Variants in ARHGAP17 observed in about 807,000 individuals in gnomAD.
ARHGAP17 encodes Rho GTPase activating protein 17.
A neutral mutation model predicts 99.5 loss-of-function variants in ARHGAP17; 57 were observed. The observed-to-expected ratio is 0.57, with a 90% CI of 0.46 to 0.71. The LOEUF is 0.71. Among genes scored for constraint, ARHGAP17 ranks in the 30% least tolerant of loss-of-function variants. The probability of loss-of-function intolerance (pLI) is 0.00; values close to 1 mark genes in which losing one functional copy is unlikely to be tolerated. For synonymous variants in ARHGAP17, 417 were observed against 429.6 expected, an observed-to-expected ratio of 0.97 and a Z score of 0.36; for missense variants, 1,000 against 1,122.4, an observed-to-expected ratio of 0.89 and a Z score of 1.56.
intron 19 of ARHGAP17, chr16:24,927,819 A>G (rs1244736191): frequency 8.4e-6 from 4 of 477,426 alleles, no homozygotes; most frequent in South Asian, 2.5e-5. Context: ...ACTCTTTTAC[A>G]TGGGAATTAA....
At chr16:24,982,676 C>T (rs1007996695) in intron 1 of ARHGAP17, among the ~76,000 whole-genome samples, 9 of 152,126 alleles carry the variant, frequency 5.9e-5, no homozygotes, top group Admixed American at 2.6e-4. Flanking sequence ...AGCCTTGGTG[C>T]TTCCTATCGT....
intron 17 of ARHGAP17, chr16:24,936,408 T>C (rs1029158711): frequency 2.0e-5 from 3 of 152,226 alleles, no homozygotes; most frequent in African/African-American, 7.3e-5. Flanking sequence ...GAATACAGTA[T>C]AAAAAACAAA....
intron 1 of ARHGAP17, among the ~76,000 whole-genome samples, chr16:25,006,535 T>C (rs1223693228): frequency 6.6e-6 from 1 of 151,570 alleles, no homozygotes; most frequent in Non-Finnish European, 1.5e-5. Flanking sequence ...GGAAAAAGAA[T>C]GGGACTGACA....
At chr16:24,936,323 A>C (rs1212325363) in intron 17 of ARHGAP17, 2 of 155,276 alleles carry the variant, frequency 1.3e-5, no homozygotes, top group African/African-American at 4.8e-5. Flanking sequence ...TTTTATACCA[A>C]ACTCTGTAGC....
intron 14 of ARHGAP17, among the ~76,000 whole-genome samples, chr16:24,945,366 A>C (rs1466316239): frequency 6.7e-6 from 1 of 149,664 alleles, no homozygotes; most frequent in Admixed American, 6.6e-5. Flanking sequence ...AAGAAGAAAA[A>C]AGTAAGAGTT....
At chr16:25,012,122 G>C (rs751348839) in intron 1 of ARHGAP17, among the ~76,000 whole-genome samples, 1 of 152,028 alleles carries the variant, frequency 6.6e-6, no homozygotes, top group Admixed American at 6.6e-5. Context: ...CACAGTGTAG[G>C]CTCAACAAGT....
intron 1 of ARHGAP17, among the ~76,000 whole-genome samples, chr16:25,013,599 GT>G (rs1567277369): frequency 6.6e-6 from 1 of 151,800 alleles, no homozygotes; most frequent in Non-Finnish European, 1.5e-5. Context: ...CCCAGCTTGG[GT>G]GACAAAGGGA....
chr16:24,949,508 C>A (rs1245904015), intron 12 of ARHGAP17, 24 bp from the exon 13 acceptor site: 2 of 1,597,194 alleles, frequency 1.3e-6, no homozygotes, highest in Non-Finnish European at 1.7e-6. Flanking sequence ...CTTTTAAGTA[C>A]AACAACTTAT....
At chr16:24,995,775 T>C (rs1036567776) in intron 1 of ARHGAP17, among the ~76,000 whole-genome samples, 1 of 147,452 alleles carries the variant, frequency 6.8e-6, no homozygotes, top group African/African-American at 2.5e-5. Flanking sequence ...GCAGCAAATG[T>C]AAAAAAAAAA....
At chr16:24,961,518 ATTTTTTTTTTTTT>A (rs1171754361) in intron 7 of ARHGAP17, among the ~76,000 whole-genome samples, 4 of 81,506 alleles carry the variant, frequency 4.9e-5, no homozygotes, top group African/African-American at 1.5e-4. Context: ...AAAAAAAAAA[ATTTTTTTTTTTTT>A]TTTTTTTTTT....
At chr16:24,946,589 C>T (rs749167422) in intron 14 of ARHGAP17, among the ~76,000 whole-genome samples, 1 of 151,816 alleles carries the variant, frequency 6.6e-6, no homozygotes, top group Non-Finnish European at 1.5e-5. Context: ...CACTTGAAAA[C>T]CATCACATGC....
chr16:24,927,430 A>G (rs2050870988), intron 19 of ARHGAP17, among the ~76,000 whole-genome samples: 1 of 152,184 alleles, frequency 6.6e-6, no homozygotes, highest in South Asian at 2.1e-4. Context: ...AGCTTGCCTG[A>G]TATGGAAAAG....
chr16:24,948,878 A>G (rs930736711), intron 13 of ARHGAP17: 1 of 152,016 alleles, frequency 6.6e-6, no homozygotes, highest in African/African-American at 2.4e-5. Flanking sequence ...TCAAAGTTAC[A>G]TATTAAGTCA....
At position 24,952,377 on chromosome 16, in the gene ARHGAP17, T is replaced by C. The variant is rs766276999; in HGVS notation, c.965-7A>G. On this transcript the variant is annotated splice_polypyrimidine_tract_variant and splice_region_variant and intron_variant, in intron 11 of 19. Coordinates refer to ENST00000289968, the MANE Select transcript of ARHGAP17 (RefSeq NM_001006634.3). ...AAATAGGATTTTAAAGCACCTGAAA[T>C]CATTAACACTCTCTTTGAGTATGAA... 1.4e-5 allele frequency: 23 copies of C among 1,606,990 alleles called. No homozygotes were observed. Among genetic ancestry groups the C allele is most frequent in the Non-Finnish European group, 1.9e-5 (22 of 1,174,440 alleles).
intron 1 of ARHGAP17, among the ~76,000 whole-genome samples, chr16:25,011,363 G>T (rs750488221): frequency 2.6e-5 from 4 of 152,164 alleles, no homozygotes; most frequent in Non-Finnish European, 5.9e-5. Context: ...TTCCCTCTGA[G>T]ACTTGGAAGA....
chr16:24,943,646 A>C lies in ARHGAP17; in HGVS notation c.1333+125T>G, dbSNP rs193014940. ...AATGCAATGAACAAAGGCTGGAAAG[A>C]AACATGAAAAAGTGAAACCAATTAC... is the stretch of plus-strand genomic sequence containing the variant. On this transcript the variant is annotated intron_variant, in intron 15 of 19. Coordinates refer to ENST00000289968, the MANE Select transcript of ARHGAP17 (RefSeq NM_001006634.3). 5.5e-5 allele frequency: 43 copies of C among 777,676 alleles called. No homozygotes were observed. In the African/African-American group the frequency reaches 6.4e-4, roughly 12 times the overall value. The allele number at this position is 777,676 out of a possible 1,614,324, so 48.2% of individuals were successfully genotyped here. A position where few individuals can be genotyped will look rare whatever the true frequency, so the allele number is the denominator to read the frequency against.
Position 24,943,802 on chromosome 16 carries a change from G to C in ARHGAP17, c.1302C>G (p.Ile434Met), listed in dbSNP as rs183560520. 6.2e-7 allele frequency: 1 copy of C among 1,614,074 alleles called. No homozygotes were observed. Among genetic ancestry groups the C allele is most frequent in the African/African-American group, 1.3e-5 (1 of 74,936 alleles). ...SVHVVAVIEP[I>M]IQHADWFFPE... The stretch of plus-strand genomic sequence containing the variant: ...GGAAGAACCAGTCGGCATGCTGAAT[G>C]ATGGGTTCAATCACTGCAACCACAT... The change falls in exon 15 of 20, where the codon ATC becomes ATG. Residue 434 changes from isoleucine (I) to methionine (M), a missense_variant. Ile to Met is a conservative substitution (Grantham distance 10). Transcript: ENST00000289968.
intron 1 of ARHGAP17, among the ~76,000 whole-genome samples, chr16:25,000,930 G>A (rs1368933562): frequency 2.0e-5 from 3 of 152,196 alleles, no homozygotes; most frequent in African/African-American, 4.8e-5. Context: ...TGTGTGGTTC[G>A]AAAATGAGGA....
intron 2 of ARHGAP17, among the ~76,000 whole-genome samples, chr16:24,977,910 G>A (rs1196005115): frequency 6.6e-6 from 1 of 152,200 alleles, no homozygotes; most frequent in Non-Finnish European, 1.5e-5. Flanking sequence ...AATGAGAGCA[G>A]GCCCTTTGGG....
Sources: gnomAD v4.1 joint callset for allele counts (sites outside exome capture counted in the v4.1 genomes callset) on GRCh38, gnomAD v4.1.1 for gene constraint, MANE v1.5 for transcripts, NCBI Gene and HGNC (gene_info 2026-07-23, HGNC 2026-07-21) for gene names.